The following FAM47E variants were observed in gnomAD, a reference collection of about 807,000 sequenced individuals.
FAM47E encodes protein FAM47E.
Under a neutral mutation model 41.6 loss-of-function variants are expected in FAM47E, and 32 were observed. That is an observed-to-expected ratio of 0.77 (90% CI 0.58 to 1.03). The LOEUF (loss-of-function observed/expected upper bound fraction) is 1.03, where lower values mean the gene tolerates loss of function less well. FAM47E is among the 50% of genes least tolerant of loss of function. FAM47E has a pLI of 0.00. For missense variants in FAM47E, 424 were observed against 485.4 expected, an observed-to-expected ratio of 0.87 and a Z score of 1.19; for synonymous variants, 184 against 188.7, an observed-to-expected ratio of 0.98 and a Z score of 0.20.
intron 3 of FAM47E, chr4:76,267,902 G>A (rs1734708748): frequency 6.6e-6 from 1 of 152,212 alleles, no homozygotes; most frequent in Non-Finnish European, 1.5e-5. Context: ...GAAATGGTGA[G>A]TGATTATTAA....
In FAM47E at chr4:76,256,171, C is replaced by G. The variant is rs1179201769; in HGVS notation, c.75-7C>G. The G allele has an allele frequency of 6.5e-7, 1 of 1,549,104 alleles. No homozygotes were observed. Among genetic ancestry groups the G allele is most frequent in the South Asian group, 1.2e-5 (1 of 83,850 alleles). ...CTAGGTACAAAGAGAATCTATCTAC[C>G]TTCCAGATGTTTCACAAAGCACAAG... On this transcript the variant is annotated splice_region_variant and splice_polypyrimidine_tract_variant and intron_variant, in intron 1 of 7. Transcript: ENST00000424749.
At position 76,263,805 on chromosome 4, in the gene FAM47E, G is replaced by A. The variant is rs1304685378; in HGVS notation, c.522G>A (p.Lys174=). The A allele has an allele frequency of 6.4e-7, 1 of 1,551,430 alleles. No homozygotes were observed. Among genetic ancestry groups the A allele is most frequent in the Admixed American group, 2.0e-5 (1 of 50,982 alleles). The change falls in exon 3 of 8, where the codon AAG becomes AAA. Residue 174 remains lysine, a synonymous_variant. Transcript: ENST00000424749. ...DTRKGMKEPT[K]LLKKHSTQVY... ...GGAAAGGAATGAAGGAACCCACGAA[G>A]CTTTTAAAAAAACATTCTACCCAAG...
At chr4:76,251,638 C>T, upstream of FAM47E, 1 of 1,347,834 alleles carries the variant, frequency 7.4e-7, no homozygotes, top group Non-Finnish European at 9.5e-7. Context: ...TTGCCAGGCG[C>T]CCGGGGCAAA....
intron 2 of FAM47E, among the ~76,000 whole-genome samples, chr4:76,244,359 CA>C (rs1396195318): frequency 3.3e-5 from 5 of 152,114 alleles, no homozygotes; most frequent in Admixed American, 2.0e-4. Context: ...CTCCCACCAA[CA>C]GTGTAAAAGC....
chr4:76,270,364 T>G (rs1320784630), intron 4 of FAM47E, among the ~76,000 whole-genome samples: 1 of 152,126 alleles, frequency 6.6e-6, no homozygotes, highest in Non-Finnish European at 1.5e-5. Context: ...AATTAACCAT[T>G]ATGATTAAGG....
rs1733461906 is a variant in FAM47E at position 76,229,770 on chromosome 4, C to A, written c.81+12082C>A. Among the ~76,000 whole-genome samples, 3 of 152,100 alleles carry A rather than the reference C, an allele frequency of 2.0e-5. No individual in the cohort carries two copies. The South Asian group carries it at 6.2e-4, about 32-fold the overall frequency. On this transcript the variant is annotated intron_variant, in intron 2 of 7. Coordinates refer to the FAM47E transcript ENST00000510197. ...GAGTGAAGTAGACTCTGTGAGAGTC[C>A]TTGGTTGTAGATATGCTTAGTGTGC...
chr4:76,255,356 C>T lies in FAM47E; in HGVS notation c.75-822C>T, dbSNP rs115965228. Among the ~76,000 whole-genome samples the T allele has an allele frequency of 5.2e-3, 788 of 152,156 alleles. 12 individuals carry two copies. Among genetic ancestry groups the T allele is most frequent in the African/African-American group, 0.018 (752 of 41,466 alleles). ...GGTTGTTATGAGATTTAAATATGCTCGTATGTGTAAAGCATTTAGAACAGT... is the reference window on the plus strand; with the variant it reads ...GGTTGTTATGAGATTTAAATATGCTTGTATGTGTAAAGCATTTAGAACAGT... On this transcript the variant is annotated intron_variant, in intron 1 of 7. Coordinates refer to ENST00000424749, the MANE Select transcript of FAM47E (RefSeq NM_001136570.3).
intron 2 of FAM47E, among the ~76,000 whole-genome samples, chr4:76,260,851 G>T (rs2869865): frequency 0.56 from 85,277 of 151,598 alleles, 24,570 homozygotes; most frequent in Middle Eastern, 0.65. Flanking sequence ...TATAAGGAAC[G>T]TAAACAATTC....
intron 3 of FAM47E, among the ~76,000 whole-genome samples, chr4:76,264,201 TA>T (rs1734535825): frequency 6.6e-6 from 1 of 152,068 alleles, no homozygotes; most frequent in African/African-American, 2.4e-5. Flanking sequence ...CAAAGCACCA[TA>T]CTTTTGGGGT....
At chr4:76,214,368 C>T in exon 1 of FAM47E, 1 of 446,492 alleles carries the variant, frequency 2.2e-6, no homozygotes, top group Non-Finnish European at 4.5e-6. Context: ...GGGGCATGTG[C>T]AAGAATGGAA....
chr4:76,230,477 T>G (rs79343926), intron 2 of FAM47E, among the ~76,000 whole-genome samples: 5,093 of 152,260 alleles, frequency 0.033, 241 homozygotes, highest in African/African-American at 0.11. Flanking sequence ...AGGCCTCACC[T>G]GCCCCTCCCT....
intron 2 of FAM47E, among the ~76,000 whole-genome samples, chr4:76,219,062 GC>G (rs1195481542): frequency 1.3e-5 from 2 of 152,200 alleles, no homozygotes; most frequent in East Asian, 3.8e-4. Flanking sequence ...TCAGTCAGAT[GC>G]TTTAGCCAGG....
rs562169247 is a variant in FAM47E at position 76,217,759 on chromosome 4, G to A, written c.81+71G>A. On this transcript the variant is annotated intron_variant, in intron 2 of 7. Coordinates refer to the FAM47E transcript ENST00000510197. ...ACTGATGCTGTGGCAAGGAGATACG[G>A]TGATCTCTCTATACCTAAAATCAGA... The A allele has an allele frequency of 5.2e-4, 252 of 485,320 alleles. 3 individuals are homozygous for A. The East Asian group carries it at 7.9e-3, about 15-fold the overall frequency. The allele number at this position is 485,320 out of a possible 1,614,324, so 30.1% of individuals were successfully genotyped here.
At chr4:76,272,713 T>C (rs1734942002) in intron 5 of FAM47E, among the ~76,000 whole-genome samples, 1 of 152,190 alleles carries the variant, frequency 6.6e-6, no homozygotes, top group Admixed American at 6.5e-5. Flanking sequence ...CCATCACACC[T>C]GAGGCCTGAA....
At chr4:76,223,527 G>A (rs765098148) in intron 2 of FAM47E, among the ~76,000 whole-genome samples, 16 of 152,218 alleles carry the variant, frequency 1.1e-4, no homozygotes, top group Admixed American at 2.0e-4. Context: ...TATTATCACC[G>A]CCCTCTTCCT....
At chr4:76,222,676 TTGTCA>T (rs1383105688) in intron 2 of FAM47E, among the ~76,000 whole-genome samples, 1 of 152,216 alleles carries the variant, frequency 6.6e-6, no homozygotes, top group Non-Finnish European at 1.5e-5. Context: ...CATCCTTTGC[TTGTCA>T]CTGTTGAAGT....
chr4:76,251,885 C>A, intron 1 of FAM47E, 65 bp downstream of exon 1: 1 of 1,356,378 alleles, frequency 7.4e-7, no homozygotes, highest in South Asian at 1.8e-5. Flanking sequence ...GCCTGGAGAC[C>A]CGCGCTTGCT....
intron 5 of FAM47E, 127 bp downstream of exon 5, chr4:76,271,895 T>A (rs1471947345): frequency 2.7e-6 from 3 of 1,103,348 alleles, no homozygotes; most frequent in East Asian, 5.3e-5. Flanking sequence ...ATTTTTTTCA[T>A]GATTAATATT....
Position 76,278,153 on chromosome 4 carries a change from G to A in FAM47E, c.955G>A (p.Glu319Lys), listed in dbSNP as rs1367864901. 6.4e-6 allele frequency: 10 copies of A among 1,550,974 alleles called. No homozygotes were observed. Among genetic ancestry groups the A allele is most frequent in the South Asian group, 3.6e-5 (3 of 83,978 alleles). ...PKLWKKQRVD[E>K]PLVDPEVSHK... ...GTTGTGGAAAAAGCAAAGAGTAGACGAGCCTCTGGTTGACCCTGAGGTCTC... is the reference window on the plus strand; with the variant it reads ...GTTGTGGAAAAAGCAAAGAGTAGACAAGCCTCTGGTTGACCCTGAGGTCTC... The change falls in exon 6 of 8, where the codon GAG becomes AAG. Residue 319 changes from glutamate to lysine, a missense_variant. Transcript: ENST00000424749.
Sources: gnomAD v4.1 joint callset for allele counts (sites outside exome capture counted in the v4.1 genomes callset) on GRCh38, gnomAD v4.1.1 for gene constraint, MANE v1.5 for transcripts, NCBI Gene and HGNC (gene_info 2026-07-23, HGNC 2026-07-21) for gene names.